Variants in RARB observed in about 807,000 individuals in gnomAD.
RARB encodes the protein HBV-activated protein.
Under a neutral mutation model 51.9 loss-of-function variants are expected in RARB, and 17 were observed. The observed-to-expected ratio is 0.33, with a 90% CI of 0.22 to 0.49. The LOEUF is 0.49. RARB is among the 20% of genes least tolerant of loss of function. The probability of loss-of-function intolerance (pLI) is 0.99; values close to 1 mark genes in which losing one functional copy is unlikely to be tolerated. For synonymous variants in RARB, 215 were observed against 195.4 expected (o/e 1.10, Z -0.84); for missense variants, 369 against 550.8 (o/e 0.67, Z 3.30).
chr3:24,955,790 A>G (rs1696001420), intron 2 of RARB, among the ~76,000 whole-genome samples: 1 of 152,068 alleles, frequency 6.6e-6, no homozygotes, highest in Non-Finnish European at 1.5e-5. Context: ...GGCAGACCTT[A>G]GGGAAGGCGG....
chr3:25,429,764 A>T (rs1708129445), intron 1 of RARB, among the ~76,000 whole-genome samples: 2 of 152,252 alleles, frequency 1.3e-5, no homozygotes, highest in African/African-American at 2.4e-5. Flanking sequence ...AGAAATGATC[A>T]GGAGTCCCAG....
chr3:25,132,283 T>G (rs1291563046), intron 4 of RARB, among the ~76,000 whole-genome samples: 1 of 151,880 alleles, frequency 6.6e-6, no homozygotes, highest in African/African-American at 2.4e-5. Context: ...ATTGCTATTA[T>G]AATTATAAAT....
chr3:25,250,947 A>G (rs1365378879), intron 5 of RARB, among the ~76,000 whole-genome samples: 20 of 152,108 alleles, frequency 1.3e-4, no homozygotes, highest in Non-Finnish European at 2.5e-4. Context: ...GGGAACCTCT[A>G]CAGGCTTCCA....
rs138591414 is a variant in RARB, at chr3:25,521,114, G to A, written c.448+19791G>A. ...ACTCAGAGCCTTCAGAGCAACCTAT[G>A]TCTGGGTCTCCCCCATCAGGCAAGG... On this transcript the variant is annotated intron_variant, in intron 3 of 7. Transcript: ENST00000330688. 2.5e-4 allele frequency among the ~76,000 whole-genome samples: 38 copies of A among 152,300 alleles called. 1 individual carries two copies. The East Asian group carries it at 6.0e-3, about 24-fold the overall frequency.
intron 5 of RARB, among the ~76,000 whole-genome samples, chr3:25,325,573 T>C (rs1704692241): frequency 6.6e-6 from 1 of 152,068 alleles, no homozygotes. Context: ...TGGGGGTTTT[T>C]TTTTTAATAA....
chr3:25,354,461 G>A (rs1705670105), intron 5 of RARB, among the ~76,000 whole-genome samples: 1 of 152,062 alleles, frequency 6.6e-6, no homozygotes, highest in Admixed American at 6.6e-5. Context: ...GGACCCAGAA[G>A]TGTACGCTAC....
chr3:25,231,837 A>G (rs1037606080), intron 5 of RARB, among the ~76,000 whole-genome samples: 3 of 152,116 alleles, frequency 2.0e-5, no homozygotes, highest in African/African-American at 4.8e-5. Context: ...AAAACTTGCA[A>G]CTATTTCTTT....
intron 4 of RARB, among the ~76,000 whole-genome samples, chr3:25,161,708 T>A (rs1700475546): frequency 6.6e-6 from 1 of 152,222 alleles, no homozygotes; most frequent in Non-Finnish European, 1.5e-5. Flanking sequence ...GCAGAGCTAG[T>A]TTTGTGTGTG....
At chr3:25,349,151 A>C (rs968698397) in intron 5 of RARB, among the ~76,000 whole-genome samples, 1 of 152,162 alleles carries the variant, frequency 6.6e-6, no homozygotes, top group Non-Finnish European at 1.5e-5. Flanking sequence ...GGCTCAGAGG[A>C]CAGGGGAAGG....
At chr3:24,885,840 C>A (rs1703256714) in intron 2 of RARB, among the ~76,000 whole-genome samples, 1 of 152,156 alleles carries the variant, frequency 6.6e-6, no homozygotes, top group Non-Finnish European at 1.5e-5. Flanking sequence ...AAATCTTTTA[C>A]AGTGAAGTTG....
chr3:25,596,385 A>T (rs1429905617), intron 7 of RARB, 35 bp from the exon 8 acceptor site: 2 of 1,541,770 alleles, frequency 1.3e-6, no homozygotes, highest in Non-Finnish European at 1.8e-6. Flanking sequence ...TTAACTCCTT[A>T]TCTTAACCAT....
At chr3:25,480,617 T>G (rs1408845320) in intron 2 of RARB, among the ~76,000 whole-genome samples, 1 of 152,204 alleles carries the variant, frequency 6.6e-6, no homozygotes, top group Non-Finnish European at 1.5e-5. Flanking sequence ...TCCTTTTAGT[T>G]GTGTTTAGAT....
chr3:25,473,867 C>CTT (rs1695821864), intron 2 of RARB, among the ~76,000 whole-genome samples: 1 of 146,150 alleles, frequency 6.8e-6, no homozygotes, highest in Non-Finnish European at 1.5e-5. Context: ...AAAGCAAGAT[C>CTT]TTCGGTGACC....
chr3:25,239,983 T>C (rs1380231657), intron 5 of RARB, among the ~76,000 whole-genome samples: 1 of 152,132 alleles, frequency 6.6e-6, no homozygotes, highest in East Asian at 1.9e-4. Flanking sequence ...GTTTGGTAGC[T>C]TTCCTTGTAG....
At chr3:24,893,485 C>T (rs539850561) in intron 2 of RARB, among the ~76,000 whole-genome samples, 39 of 152,246 alleles carry the variant, frequency 2.6e-4, no homozygotes, top group African/African-American at 5.8e-4. Context: ...AAACAGCTCA[C>T]GCTGATGACA....
At chr3:25,408,870 C>T (rs1421671274) in intron 5 of RARB, among the ~76,000 whole-genome samples, 1 of 152,050 alleles carries the variant, frequency 6.6e-6, no homozygotes, top group East Asian at 1.9e-4. Flanking sequence ...GCAGTCTCTA[C>T]TAAAAATACA....
At chr3:24,939,956 G>A (rs182661545) in intron 2 of RARB, among the ~76,000 whole-genome samples, 70 of 152,198 alleles carry the variant, frequency 4.6e-4, no homozygotes, top group Admixed American at 2.1e-3. Flanking sequence ...ATAAGCAAAC[G>A]TCACTCATTT....
intron 5 of RARB, among the ~76,000 whole-genome samples, chr3:25,203,226 C>A (rs1230870761): frequency 1.3e-5 from 2 of 152,144 alleles, no homozygotes; most frequent in African/African-American, 2.4e-5. Flanking sequence ...GGTTTAAAGT[C>A]TGTTTTATCA....
chr3:25,524,735 TA>T (rs1455828635), intron 3 of RARB, among the ~76,000 whole-genome samples: 7 of 151,862 alleles, frequency 4.6e-5, no homozygotes, highest in African/African-American at 7.3e-5. Context: ...TTTTTATCAT[TA>T]TTTTTTTTCA....
Sources: gnomAD v4.1 joint callset for allele counts (sites outside exome capture counted in the v4.1 genomes callset) on GRCh38, gnomAD v4.1.1 for gene constraint, MANE v1.5 for transcripts, NCBI Gene and HGNC (gene_info 2026-07-23, HGNC 2026-07-21) for gene names.